The following PALB2 variants were observed in gnomAD, a reference collection of about 807,000 sequenced individuals.
PALB2 encodes partner and localizer of BRCA2.
In PALB2, 82 loss-of-function variants were observed where a neutral mutation model predicts 107.4. The observed-to-expected ratio is 0.76, with a 90% CI of 0.64 to 0.92. The LOEUF (loss-of-function observed/expected upper bound fraction) is 0.92. Ranked by LOEUF, PALB2 falls within the 40% of genes least tolerant of loss-of-function variation. The pLI, the probability that PALB2 is intolerant of heterozygous loss-of-function variation, is 0.00. For synonymous variants in PALB2, 489 were observed against 496.8 expected, an observed-to-expected ratio of 0.98 and a Z score of 0.21; for missense variants, 1,374 against 1,379.9, an observed-to-expected ratio of 1.00 and a Z score of 0.07.
At chr16:23,609,583 T>C (rs1285772651) in intron 11 of PALB2, among the ~76,000 whole-genome samples, 1 of 152,152 alleles carries the variant, frequency 6.6e-6, no homozygotes, top group African/African-American at 2.4e-5. Flanking sequence ...AGTGGTGCGA[T>C]GTCTGCTCAC....
At position 23,609,296 on chromosome 16, in the gene PALB2, T is replaced by G. The variant is rs1255532807; in HGVS notation, c.3202-1284A>C. 3.3e-5 allele frequency among the ~76,000 whole-genome samples: 5 copies of G among 152,288 alleles called. No homozygotes were observed. The East Asian group carries it at 9.7e-4, about 29-fold the overall frequency. Reference sequence around the variant, plus strand: ...AAATTTAGCTGGGTGCTGTGGCTCATGCCATGTAATCCCATCAACTTGGCA... The same window carrying G: ...AAATTTAGCTGGGTGCTGTGGCTCAGGCCATGTAATCCCATCAACTTGGCA... On this transcript the variant is annotated intron_variant, in intron 11 of 12. Transcript: ENST00000261584.
In PALB2 at chr16:23,641,216, G is replaced by C. The variant is rs1209444167; in HGVS notation, c.-59C>G. ...GCCGACCCCAGGCCTGCCGACACCG[G>C]GACCCAGTTGGCCCTGGGCCGGGGA... is the stretch of plus-strand genomic sequence containing the variant. On this transcript the variant is annotated 5_prime_UTR_variant, in exon 1 of 13. Transcript: ENST00000261584. The C allele has an allele frequency of 6.3e-7, 1 of 1,589,318 alleles. No homozygotes were observed. Among genetic ancestry groups the C allele is most frequent in the Non-Finnish European group, 8.6e-7 (1 of 1,167,568 alleles).
rs1966864871 is a variant in PALB2 at position 23,630,298 on chromosome 16, A to G, written c.1856T>C (p.Phe619Ser). ...ITDFQLPDED[F>S]GPLKLEKVKS... Reference sequence around the variant, plus strand: ...CACTTTTTCAAGCTTAAGAGGTCCAAAGTCTTCATCAGGTAACTGAAAGTC... The same window carrying G: ...CACTTTTTCAAGCTTAAGAGGTCCAGAGTCTTCATCAGGTAACTGAAAGTC... The change falls in exon 5 of 13, where the codon TTT (phenylalanine) becomes TCT (serine). Residue 619 changes from phenylalanine to serine, a missense_variant. By Grantham distance (155) the Phe-to-Ser change is radical. Transcript: ENST00000261584. 6.2e-7 allele frequency: 1 copy of G among 1,614,064 alleles called. No individual in the cohort carries two copies. Among genetic ancestry groups the G allele is most frequent in the South Asian group, 1.1e-5 (1 of 91,082 alleles).
At chr16:23,640,339 A>C (rs909432822) in intron 1 of PALB2, 1 of 204,652 alleles carries the variant, frequency 4.9e-6, no homozygotes, top group Non-Finnish European at 1.0e-5. Context: ...CAGTCTAAAG[A>C]AGCAAGGGCA....
chr16:23,607,509 T>G (rs1340138512), intron 12 of PALB2: 2 of 330,246 alleles, frequency 6.1e-6, no homozygotes, highest in Admixed American at 7.8e-5. Context: ...TTGTCCAAGT[T>G]GGTCTCAAAC....
chr16:23,627,832 C>A (rs1401200303), intron 6 of PALB2, among the ~76,000 whole-genome samples: 4 of 152,156 alleles, frequency 2.6e-5, no homozygotes, highest in Admixed American at 2.6e-4. Context: ...GGAAGAGAGG[C>A]TTAATTACAT....
chr16:23,625,744 G>A (rs1242407788), intron 7 of PALB2, among the ~76,000 whole-genome samples: 3 of 152,232 alleles, frequency 2.0e-5, no homozygotes, highest in Middle Eastern at 3.4e-3. Context: ...TTGACAGTGA[G>A]CCGAGATCAT....
chr16:23,629,196 C>T lies in PALB2; in HGVS notation c.2586+8G>A, dbSNP rs1060504708. 6.2e-7 allele frequency: 1 copy of T among 1,603,488 alleles called. No homozygotes were observed. The highest frequency in any genetic ancestry group is 8.5e-7 in the Non-Finnish European group (1 of 1,170,778). Reference sequence around the variant, plus strand: ...ACACGAGACACTGGAAGAGAATATTCTTCTGACCTTTAACTCTGAAACCAA... The same window carrying T: ...ACACGAGACACTGGAAGAGAATATTTTTCTGACCTTTAACTCTGAAACCAA... On this transcript the variant is annotated splice_region_variant and intron_variant, in intron 6 of 12. Coordinates refer to ENST00000261584, the MANE Select transcript of PALB2 (RefSeq NM_024675.4).
At chr16:23,616,296 T>C (rs979949473) in intron 10 of PALB2, among the ~76,000 whole-genome samples, 2 of 152,154 alleles carry the variant, frequency 1.3e-5, no homozygotes, top group African/African-American at 2.4e-5. Flanking sequence ...GTATGCAATA[T>C]ACTACTGGCA....
intron 1 of PALB2, among the ~76,000 whole-genome samples, chr16:23,639,399 G>C (rs1028731737): frequency 2.6e-5 from 4 of 151,798 alleles, no homozygotes; most frequent in African/African-American, 9.7e-5. Context: ...CGGGTGTGGT[G>C]GTGGGTGCCT....
intron 1 of PALB2, 177 bp downstream of exon 1, chr16:23,640,933 C>A (rs1567225612): frequency 2.9e-6 from 2 of 686,180 alleles, no homozygotes; most frequent in East Asian, 5.5e-5. Context: ...TTAAACGCCA[C>A]CACGTGAGCA....
Position 23,608,006 on chromosome 16 carries a change from G to A in PALB2, c.3208C>T (p.Leu1070Phe), listed in dbSNP as rs1966513064. 1 of 1,613,726 alleles carries A rather than the reference G, an allele frequency of 6.2e-7. No homozygotes were observed. ...CAGGGATGACTCAGGACAATAAAGA[G>A]AAGCCCCTAATTTCGGAGAAAAATA... ...CHKAYSEMGL[L>F]FIVLSHPCAK... Residue 1070 changes from leucine (L) to phenylalanine (F), a missense_variant, in exon 12 of 13, where the codon CTC (leucine) becomes TTC (phenylalanine). Transcript: ENST00000261584.
intron 12 of PALB2, among the ~76,000 whole-genome samples, chr16:23,604,283 C>CT (rs1218835477): frequency 6.6e-6 from 1 of 152,228 alleles, no homozygotes; most frequent in Non-Finnish European, 1.5e-5. Flanking sequence ...CTGCAGTCAG[C>CT]TACCTGGGTT....
intron 11 of PALB2, among the ~76,000 whole-genome samples, chr16:23,608,805 C>T (rs1042828398): frequency 1.6e-3 from 210 of 129,042 alleles, no homozygotes; most frequent in Non-Finnish European, 3.0e-3. Context: ...TATATATACA[C>T]ACACACACAC....
chr16:23,635,054 C>A lies in PALB2; in HGVS notation c.1492G>T (p.Asp498Tyr), dbSNP rs75023630. The A allele has an allele frequency of 1.5e-4, 242 of 1,614,104 alleles. 2 individuals are homozygous for A. In the East Asian group the frequency reaches 4.1e-3, roughly 27 times the overall value. ...TGGGCAACTGCCTTCCTAGACAAGT[C>A]ATTATCTTCAGTGGGCCCAGCGGGA... ...SSPAGPTEDN[D>Y]LSRKAVAQAP... Residue 498 changes from aspartate (D) to tyrosine (Y), a missense_variant, in exon 4 of 13, where the codon GAC becomes TAC. Asp to Tyr is a radical substitution (Grantham distance 160, BLOSUM62 -3). Transcript: ENST00000261584.
chr16:23,605,218 A>G (rs540623368), intron 12 of PALB2, among the ~76,000 whole-genome samples: 2 of 152,086 alleles, frequency 1.3e-5, no homozygotes, highest in South Asian at 2.1e-4. Context: ...CCTAACTCCT[A>G]ACTTATCTTT....
chr16:23,604,931 G>C (rs1966439830), intron 12 of PALB2, among the ~76,000 whole-genome samples: 1 of 148,982 alleles, frequency 6.7e-6, no homozygotes. Context: ...AAAATTAGCT[G>C]GGCATGGTGG....
At position 23,620,843 on chromosome 16, in the gene PALB2, C is replaced by T. The variant is rs552078998; in HGVS notation, c.3113+519G>A. Reference sequence around the variant, plus strand: ...ATCCCAGCAATTTGGGAGGCCAAGGCGGGCAGTTCACTTGAGGCCAGGAGT... The same window carrying T: ...ATCCCAGCAATTTGGGAGGCCAAGGTGGGCAGTTCACTTGAGGCCAGGAGT... On this transcript the variant is annotated intron_variant, in intron 10 of 12. Transcript: ENST00000261584. 1.1e-4 allele frequency among the ~76,000 whole-genome samples: 16 copies of T among 152,302 alleles called. No individual in the cohort carries two copies. The East Asian group carries it at 1.5e-3, about 15-fold the overall frequency.
chr16:23,609,642 C>T (rs8054622), intron 11 of PALB2, among the ~76,000 whole-genome samples: 30,123 of 152,000 alleles, frequency 0.2, 3,056 homozygotes, highest in African/African-American at 0.22. Context: ...CTCAGCCTCC[C>T]GAGTAGCTGG....
Sources: allele counts gnomAD v4.1 joint callset (sites outside exome capture counted in the v4.1 genomes callset), GRCh38; gene constraint gnomAD v4.1.1; transcripts MANE v1.5; gene names NCBI Gene and HGNC (gene_info 2026-07-23, HGNC 2026-07-21).